Variants in WASF2 observed in about 807,000 individuals in gnomAD.
WASF2 encodes the protein WASP family member 2, also known as actin-binding protein WASF2.
WASF2 carries 14 observed loss-of-function variants against 45.0 expected under a neutral mutation model. The ratio of observed to expected loss-of-function variants is 0.31; its 90% CI spans 0.21 to 0.49. The LOEUF (loss-of-function observed/expected upper bound fraction) is 0.49, where lower values mean the gene tolerates loss of function less well. WASF2 is among the 20% of genes least tolerant of loss of function. The pLI, the probability that WASF2 is intolerant of heterozygous loss-of-function variation, is 0.99. For synonymous variants in WASF2, 200 were observed against 236.3 expected, an observed-to-expected ratio of 0.85 and a Z score of 1.41; for missense variants, 439 against 636.1, an observed-to-expected ratio of 0.69 and a Z score of 3.33.
intron 1 of WASF2, among the ~76,000 whole-genome samples, chr1:27,449,965 G>A (rs113591927): frequency 3.9e-5 from 6 of 152,144 alleles, no homozygotes; most frequent in African/African-American, 9.7e-5. Flanking sequence ...CCAGCATGGT[G>A]AAATCCCATC....
intron 2 of WASF2, among the ~76,000 whole-genome samples, chr1:27,425,474 G>A (rs551245987): frequency 3.9e-5 from 6 of 152,044 alleles, no homozygotes; most frequent in East Asian, 1.9e-4. Context: ...AGGCTGAGGC[G>A]GTTGGATCAC....
chr1:27,448,841 CAAA>C (rs11371995), intron 1 of WASF2, among the ~76,000 whole-genome samples: 6 of 67,034 alleles, frequency 9.0e-5, no homozygotes, highest in Non-Finnish European at 1.6e-4. Context: ...GACCTCATCT[CAAA>C]AAAAAAAAAA....
At position 27,408,223 on chromosome 1, in the gene WASF2, GA is replaced by G; in HGVS notation, c.1462del (p.Ser488ProfsTer38). On this transcript the variant is annotated frameshift_variant, in exon 9 of 9. Coordinates refer to ENST00000618852, the MANE Select transcript of WASF2 (RefSeq NM_006990.5). LOFTEE classifies it high-confidence loss of function. ...CCAGTCGTCCTCATCAAATTCAGAG[GA>G]GTCATCTTCTGAGTCACTGTACTCA... ...AVEYSDSEDD[S>X]SEFDEDDWSD 1 of 1,614,122 alleles carries G rather than the reference GA, an allele frequency of 6.2e-7. No individual in the cohort carries two copies. Among genetic ancestry groups the G allele is most frequent in the Non-Finnish European group, 8.5e-7 (1 of 1,179,984 alleles).
chr1:27,471,922 G>C (rs997366598), intron 1 of WASF2, among the ~76,000 whole-genome samples: 1 of 152,104 alleles, frequency 6.6e-6, no homozygotes, highest in African/African-American at 2.4e-5. Context: ...GACCTACCTA[G>C]TAGTTCAAAC....
intron 1 of WASF2, among the ~76,000 whole-genome samples, chr1:27,454,105 A>G (rs933760337): frequency 6.9e-6 from 1 of 145,424 alleles, no homozygotes; most frequent in Non-Finnish European, 1.5e-5. Flanking sequence ...ATATACATAT[A>G]TATGTGTATA....
rs541491127 is a variant in WASF2 at position 27,477,816 on chromosome 1, G to A, written c.-44+12170C>T. On this transcript the variant is annotated intron_variant, in intron 1 of 8. Transcript: ENST00000618852. The stretch of plus-strand genomic sequence containing the variant: ...TGGGAGGCTGAGGCAGGAGAATGGC[G>A]TGAACCCGGGAGGCGGAGCTTGCAG... 1.2e-3 allele frequency among the ~76,000 whole-genome samples: 136 copies of A among 115,566 alleles called. 7 individuals are homozygous for A. The highest frequency in any genetic ancestry group is 2.0e-3 in the Non-Finnish European group (116 of 59,458). The allele number at this position is 115,566 out of a possible 152,430, so 75.8% of individuals were successfully genotyped here.
At chr1:27,478,153 C>T (rs1241897973) in intron 1 of WASF2, among the ~76,000 whole-genome samples, 3 of 146,842 alleles carry the variant, frequency 2.0e-5, no homozygotes, top group African/African-American at 5.0e-5. Flanking sequence ...GAGGTTGCAG[C>T]GAGCCGAGAT....
In WASF2 at chr1:27,489,972, G is replaced by A. The variant is rs1054384866; in HGVS notation, c.-44+14C>T. On this transcript the variant is annotated intron_variant, in intron 1 of 8. Transcript: ENST00000618852. The stretch of plus-strand genomic sequence containing the variant: ...CCTCCCAGCGGGGTCTACCCAAGGG[G>A]ACTTGTTGCTCACCTGGCCTCCCGC... 3.3e-5 allele frequency: 5 copies of A among 152,404 alleles called. No homozygotes were observed. The East Asian group carries it at 7.7e-4, about 24-fold the overall frequency. 9.4% of individuals were successfully genotyped at this position (152,404 alleles called of 1,614,324 possible).
chr1:27,426,918 G>A (rs1249315728), intron 2 of WASF2, among the ~76,000 whole-genome samples: 2 of 152,138 alleles, frequency 1.3e-5, no homozygotes, highest in African/African-American at 4.8e-5. Flanking sequence ...TCTATGTCAA[G>A]ATCTTATCCA....
intron 1 of WASF2, among the ~76,000 whole-genome samples, chr1:27,441,245 C>A (rs2017223587): frequency 6.6e-6 from 1 of 152,098 alleles, no homozygotes; most frequent in African/African-American, 2.4e-5. Flanking sequence ...GTACTCCCAG[C>A]ACTTTGGGAG....
At chr1:27,436,276 T>A (rs1184003268) in intron 1 of WASF2, among the ~76,000 whole-genome samples, 3 of 152,038 alleles carry the variant, frequency 2.0e-5, no homozygotes, top group Non-Finnish European at 4.4e-5. Flanking sequence ...CCAGACCTCA[T>A]CTCTATTAAA....
chr1:27,414,275 T>C lies in WASF2; in HGVS notation c.668+558A>G, dbSNP rs948275857. 6.6e-6 allele frequency among the ~76,000 whole-genome samples: 1 copy of C among 152,238 alleles called. No homozygotes were observed. Among genetic ancestry groups the C allele is most frequent in the African/African-American group, 2.4e-5 (1 of 41,456 alleles). ...GGAAATGGGGTCAGACTGACACCTC[T>C]TATTTCTCCACAGAGATATATAGCC... On this transcript the variant is annotated intron_variant, in intron 6 of 8. Coordinates refer to ENST00000618852, the MANE Select transcript of WASF2 (RefSeq NM_006990.5). The surrounding 1 kb of genome is among the most constrained non-coding windows in gnomAD (Gnocchi z 4.1).
chr1:27,428,662 G>T, intron 2 of WASF2, 99 bp downstream of exon 2: 1 of 1,583,884 alleles, frequency 6.3e-7, no homozygotes, highest in Non-Finnish European at 8.7e-7. Flanking sequence ...CCTAGGGAAG[G>T]CAGATGGGGG....
chr1:27,475,460 G>A (rs1557621483), intron 1 of WASF2, among the ~76,000 whole-genome samples: 1 of 152,022 alleles, frequency 6.6e-6, no homozygotes, highest in South Asian at 2.1e-4. Flanking sequence ...CTCTTCCCTC[G>A]TTTCTCTATT....
intron 1 of WASF2, among the ~76,000 whole-genome samples, chr1:27,453,949 C>T (rs1352223048): frequency 6.6e-6 from 1 of 151,760 alleles, no homozygotes; most frequent in Non-Finnish European, 1.5e-5. Flanking sequence ...CTCCCAAAGC[C>T]ATCTCCTTTC....
At chr1:27,445,046 G>A (rs761071046) in intron 1 of WASF2, among the ~76,000 whole-genome samples, 1 of 152,102 alleles carries the variant, frequency 6.6e-6, no homozygotes, top group Non-Finnish European at 1.5e-5. Context: ...ACAACTCTTT[G>A]AGTACAGGAA....
intron 1 of WASF2, among the ~76,000 whole-genome samples, chr1:27,462,685 C>CTGTATATCAGTTTCCCCA (rs2017562375): frequency 6.6e-6 from 1 of 152,168 alleles, no homozygotes; most frequent in Non-Finnish European, 1.5e-5. Context: ...CTTAACCTCT[C>CTGTATATCAGTTTCCCCA]TGTATATCAG....
chr1:27,451,497 T>C (rs1571146173), intron 1 of WASF2, among the ~76,000 whole-genome samples: 2 of 152,304 alleles, frequency 1.3e-5, no homozygotes, highest in East Asian at 3.9e-4. Flanking sequence ...GAGAGCCTTG[T>C]ATGCCGGGCT....
intron 1 of WASF2, among the ~76,000 whole-genome samples, chr1:27,454,147 GTGTGTGTATATATATATATA>G (rs1360299772): frequency 3.6e-4 from 7 of 19,606 alleles, no homozygotes; most frequent in East Asian, 3.4e-3. Flanking sequence ...GTGTGTGTGT[GTGTGTGTATATATATATATA>G]TATATATATA....
Sources: allele counts gnomAD v4.1 joint callset (sites outside exome capture counted in the v4.1 genomes callset), GRCh38; gene constraint gnomAD v4.1.1; non-coding constraint Gnocchi (gnomAD v3.1); transcripts MANE v1.5; gene names NCBI Gene and HGNC (gene_info 2026-07-23, HGNC 2026-07-21).